The following SSBP3 variants were observed in gnomAD, a reference collection of about 807,000 sequenced individuals.
The protein encoded by SSBP3 is single stranded DNA binding protein 3.
In SSBP3, 5 loss-of-function variants were observed where a neutral mutation model predicts 69.6. The observed-to-expected ratio is 0.07, with a 90% CI of 0.04 to 0.15. The LOEUF (loss-of-function observed/expected upper bound fraction) is 0.15. SSBP3 is among the 10% of genes least tolerant of loss of function. SSBP3 has a pLI of 1.00. For synonymous variants in SSBP3, 196 were observed against 193.4 expected, an observed-to-expected ratio of 1.01 and a Z score of -0.11; for missense variants, 312 against 534.0, an observed-to-expected ratio of 0.58 and a Z score of 4.10.
chr1:54,318,720 C>A (rs1221686881), intron 4 of SSBP3, among the ~76,000 whole-genome samples: 3 of 152,160 alleles, frequency 2.0e-5, no homozygotes, highest in African/African-American at 7.2e-5. Flanking sequence ...GAAGTGGCAT[C>A]ACCTCTCAGG....
rs774619541 is a variant in SSBP3 at position 54,404,568 on chromosome 1, A to C, written c.191+8T>G. On this transcript the variant is annotated splice_region_variant and intron_variant, in intron 3 of 17. Coordinates refer to ENST00000610401, the Ensembl canonical transcript of SSBP3. ...AAACACACATGCAAAACTATCACAC[A>C]AACTTACCACCACCACGAGTGCAAA... 1.9e-6 allele frequency: 3 copies of C among 1,613,098 alleles called. No individual in the cohort carries two copies. The highest frequency in any genetic ancestry group is 1.7e-5 in the Admixed American group (1 of 60,012).
chr1:54,277,753 A>G (rs1423565130), intron 5 of SSBP3, among the ~76,000 whole-genome samples: 1 of 152,224 alleles, frequency 6.6e-6, no homozygotes, highest in East Asian at 1.9e-4. Context: ...TTTTGGACTT[A>G]GAAATCCTTA....
rs183430074 is a variant in SSBP3 at position 54,292,518 on chromosome 1, A to G, written c.277-10991T>C. On this transcript the variant is annotated intron_variant, in intron 4 of 17. Transcript: ENST00000610401. ...GTGAAGCCTCATGTCAGTTCCCCCA[A>G]GAACACTCCTGTGTTGTGAGCGAGG... Among the ~76,000 whole-genome samples, 12 of 152,202 alleles carry G rather than the reference A, an allele frequency of 7.9e-5. No homozygotes were observed. The East Asian group carries it at 1.7e-3, about 22-fold the overall frequency.
At chr1:54,305,219 G>A (rs913628761) in intron 4 of SSBP3, among the ~76,000 whole-genome samples, 3 of 152,168 alleles carry the variant, frequency 2.0e-5, no homozygotes, top group Non-Finnish European at 2.9e-5. Context: ...GGCCTATGAC[G>A]AGGAATAAAG....
intron 4 of SSBP3, among the ~76,000 whole-genome samples, chr1:54,307,758 A>G (rs1247884110): frequency 7.9e-5 from 12 of 151,856 alleles, no homozygotes. Context: ...TCACTGCTAC[A>G]CTCCCACCTG....
At chr1:54,304,808 T>G (rs1557514467) in intron 4 of SSBP3, among the ~76,000 whole-genome samples, 2 of 151,822 alleles carry the variant, frequency 1.3e-5, no homozygotes, top group Non-Finnish European at 2.9e-5. Flanking sequence ...CAGGGCCTTG[T>G]AAAAAGCCTC....
intron 9 of SSBP3, among the ~76,000 whole-genome samples, chr1:54,246,329 G>A (rs1644733285): frequency 6.6e-6 from 1 of 152,166 alleles, no homozygotes; most frequent in Admixed American, 6.5e-5. Flanking sequence ...TGCTGCTCCA[G>A]GACAAGCAGC....
intron 5 of SSBP3, among the ~76,000 whole-genome samples, chr1:54,262,731 C>A (rs183103441): frequency 1.5e-3 from 234 of 152,298 alleles, no homozygotes; most frequent in African/African-American, 5.5e-3. Context: ...ATGAGCCAAC[C>A]GGAACTGGGA....
At chr1:54,268,992 T>C (rs1185130320) in intron 5 of SSBP3, among the ~76,000 whole-genome samples, 3 of 152,122 alleles carry the variant, frequency 2.0e-5, no homozygotes, top group Non-Finnish European at 2.9e-5. Flanking sequence ...CAGAGAACTG[T>C]CTAACTATCA....
chr1:54,329,776 C>T (rs552461766), intron 4 of SSBP3, among the ~76,000 whole-genome samples: 44 of 152,194 alleles, frequency 2.9e-4, no homozygotes, highest in Non-Finnish European at 2.5e-4. Flanking sequence ...TACAAAACAG[C>T]GGCCCAGCCG....
At chr1:54,228,299 C>A (rs553646788) in exon 17 of SSBP3, 1 of 1,614,000 alleles carries the variant, frequency 6.2e-7, no homozygotes, top group East Asian at 2.2e-5. Context: ...CCTAGCTCGC[C>A]GTCATCTCGA....
chr1:54,345,902 G>A (rs756643817), intron 4 of SSBP3, among the ~76,000 whole-genome samples: 3 of 151,800 alleles, frequency 2.0e-5, no homozygotes, highest in Non-Finnish European at 2.9e-5. Flanking sequence ...AGCACTTTGG[G>A]AGGCCGACGC....
At chr1:54,405,066 G>A in intron 1 of SSBP3, 136 bp from the exon 2 acceptor site, 1 of 770,654 alleles carries the variant, frequency 1.3e-6, no homozygotes, top group Non-Finnish European at 2.2e-6. Flanking sequence ...TAAGCAGCTA[G>A]CTCACCCCAA....
At chr1:54,238,870 G>A (rs985321627) in intron 14 of SSBP3, 1 of 406,624 alleles carries the variant, frequency 2.5e-6, no homozygotes, top group African/African-American at 2.1e-5. Context: ...GCAGGAGGTG[G>A]CAAGTCCCAG....
In SSBP3 at chr1:54,401,785, G is replaced by A. The variant is rs1649321490; in HGVS notation, c.276+76C>T. ...ATAAAGACCACTGCGAACTGGCTGTGTTTGCTTTTCGTACTAGAGAAGTTA... is the reference window on the plus strand; with the variant it reads ...ATAAAGACCACTGCGAACTGGCTGTATTTGCTTTTCGTACTAGAGAAGTTA... On this transcript the variant is annotated intron_variant, in intron 4 of 17. Transcript: ENST00000610401. 47 of 1,291,194 alleles carry A rather than the reference G, an allele frequency of 3.6e-5. No individual in the cohort carries two copies. In the South Asian group the frequency reaches 5.6e-4, roughly 15 times the overall value. The allele number at this position is 1,291,194 out of a possible 1,614,324, so 80.0% of individuals were successfully genotyped here.
At chr1:54,281,925 C>T (rs931914500) in intron 4 of SSBP3, among the ~76,000 whole-genome samples, 5 of 152,038 alleles carry the variant, frequency 3.3e-5, no homozygotes, top group African/African-American at 4.8e-5. Context: ...AGGGAGACCC[C>T]GTCCCTACAA....
intron 4 of SSBP3, among the ~76,000 whole-genome samples, chr1:54,358,162 T>C (rs758436302): frequency 1.4e-4 from 22 of 152,214 alleles, no homozygotes; most frequent in Non-Finnish European, 2.6e-4. Context: ...CTTATCTTCA[T>C]TGGGCACTTA....
At chr1:54,378,058 C>T (rs148868255) in intron 4 of SSBP3, among the ~76,000 whole-genome samples, 4 of 152,166 alleles carry the variant, frequency 2.6e-5, no homozygotes, top group East Asian at 1.9e-4. Flanking sequence ...CTACAGGCCC[C>T]GGTCCCCTGC....
Position 54,275,225 on chromosome 1 carries a change from T to G in SSBP3, c.366+6213A>C, listed in dbSNP as rs543659715. 1.8e-3 allele frequency among the ~76,000 whole-genome samples: 267 copies of G among 152,340 alleles called. 1 individual carries two copies. Among genetic ancestry groups the G allele is most frequent in the Middle Eastern group, 6.8e-3 (2 of 294 alleles). ...CAAGCAAGCCCGTCCGGGTCTCACA[T>G]GACGGGGACTCAGCTCCTTCCCTTG... On this transcript the variant is annotated intron_variant, in intron 5 of 17. Transcript: ENST00000610401.
Sources: gnomAD v4.1 joint callset for allele counts (sites outside exome capture counted in the v4.1 genomes callset) on GRCh38, gnomAD v4.1.1 for gene constraint, MANE v1.5 for transcripts, NCBI Gene and HGNC (gene_info 2026-07-23, HGNC 2026-07-21) for gene names.